CTNNA1: variants seen among roughly 807,000 people sequenced by gnomAD.
CTNNA1 encodes catenin alpha 1, also known as catenin alpha-1.
In CTNNA1, 37 loss-of-function variants were observed where a neutral mutation model predicts 98.4. That is an observed-to-expected ratio of 0.38 (90% confidence interval 0.29 to 0.49). The LOEUF (loss-of-function observed/expected upper bound fraction) is 0.49. CTNNA1 is among the 20% of genes least tolerant of loss of function. The pLI is 0.95. For synonymous variants in CTNNA1, 404 were observed against 413.2 expected, an observed-to-expected ratio of 0.98 and a Z score of 0.27; for missense variants, 761 against 1,147.2, an observed-to-expected ratio of 0.66 and a Z score of 4.86.
At position 138,925,299 on chromosome 5, in the gene CTNNA1, C is replaced by CTG; in HGVS notation, c.1791_1792insTG (p.Leu598CysfsTer34). 1 of 1,614,098 alleles carries CTG rather than the reference C, an allele frequency of 6.2e-7. No homozygotes were observed. The highest frequency in any genetic ancestry group is 8.5e-7 in the Non-Finnish European group (1 of 1,180,016). ...AGCAAGTAGAAGCAGCCGTGGAAGC[C>CTG]CTCAGCTCGGACCCTGCCCAGCCCA... On this transcript the variant is annotated frameshift_variant, in exon 13 of 18. Transcript: ENST00000302763. LOFTEE classifies it high-confidence loss of function.
intron 1 of CTNNA1, among the ~76,000 whole-genome samples, chr5:138,781,527 C>T (rs1755107789): frequency 6.7e-6 from 1 of 149,552 alleles, no homozygotes; most frequent in Non-Finnish European, 1.5e-5. Flanking sequence ...TGCCCTCCAG[C>T]CTGGGCGAAA....
At chr5:138,848,761 G>T (rs1762940803) in intron 7 of CTNNA1, among the ~76,000 whole-genome samples, 1 of 151,970 alleles carries the variant, frequency 6.6e-6, no homozygotes, top group African/African-American at 2.4e-5. Context: ...GTCTCTCTCT[G>T]TCGCCCAGGC....
intron 7 of CTNNA1, chr5:138,868,911 AAAG>A (rs1259403203): frequency 1.3e-5 from 2 of 152,144 alleles, no homozygotes; most frequent in African/African-American, 4.8e-5. Context: ...GGAAAAGTAA[AAAG>A]AAGGCATTCA....
At chr5:138,767,424 G>C (rs1753058560) in intron 1 of CTNNA1, among the ~76,000 whole-genome samples, 1 of 152,124 alleles carries the variant, frequency 6.6e-6, no homozygotes, top group Non-Finnish European at 1.5e-5. Flanking sequence ...GGAAGGTGCT[G>C]GTGTTCTTTG....
chr5:138,839,490 C>T (rs1357183546), intron 7 of CTNNA1, among the ~76,000 whole-genome samples: 3 of 152,134 alleles, frequency 2.0e-5, no homozygotes, highest in East Asian at 3.8e-4. Flanking sequence ...CATGAGCCAC[C>T]GTGCCTGGCC....
At chr5:138,779,173 C>T (rs1238297003) in intron 1 of CTNNA1, among the ~76,000 whole-genome samples, 2 of 151,640 alleles carry the variant, frequency 1.3e-5, no homozygotes, top group Non-Finnish European at 2.9e-5. Flanking sequence ...ACCACCATGC[C>T]TGGCCAGTTT....
intron 9 of CTNNA1, among the ~76,000 whole-genome samples, chr5:138,892,557 C>T (rs1755694192): frequency 6.6e-6 from 1 of 151,198 alleles, no homozygotes; most frequent in African/African-American, 2.4e-5. Flanking sequence ...AGGCTAGTCT[C>T]GAACTCCCAA....
intron 6 of CTNNA1, 67 bp from the exon 7 acceptor site, chr5:138,827,448 T>C: frequency 6.4e-7 from 1 of 1,555,328 alleles, no homozygotes; most frequent in Non-Finnish European, 8.8e-7. Context: ...CTAATAACAC[T>C]TTTCTCACCT....
At position 138,934,591 on chromosome 5, in the gene CTNNA1, A is replaced by T. The variant is rs1766139906; in HGVS notation, c.*502A>T. 6.8e-6 allele frequency: 1 copy of T among 147,060 alleles called. No individual in the cohort carries two copies. The highest frequency in any genetic ancestry group is 2.1e-4 in the South Asian group (1 of 4,660). 9.1% of individuals were successfully genotyped at this position (147,060 alleles called of 1,614,324 possible). A position where few individuals can be genotyped will look rare whatever the true frequency, so the allele number is the denominator to read the frequency against. On this transcript the variant is annotated 3_prime_UTR_variant, in exon 18 of 18. Coordinates refer to ENST00000302763, the MANE Select transcript of CTNNA1 (RefSeq NM_001903.5). ...CTCTGGAGGGACAAACTCACTCAGT[A>T]AAACATAATGTATCATGAAGAAAAC...
chr5:138,833,091 C>T (rs1761435304), intron 7 of CTNNA1, among the ~76,000 whole-genome samples: 1 of 152,130 alleles, frequency 6.6e-6, no homozygotes, highest in Non-Finnish European at 1.5e-5. Flanking sequence ...ACCCTGACTC[C>T]TCAATGAACA....
At chr5:138,776,469 C>T (rs977469619) in intron 1 of CTNNA1, among the ~76,000 whole-genome samples, 34 of 152,222 alleles carry the variant, frequency 2.2e-4, no homozygotes, top group African/African-American at 8.0e-4. Context: ...GGCAACCATC[C>T]GATTTATCAA....
chr5:138,871,351 A>G (rs1257529465), intron 7 of CTNNA1: 2 of 152,202 alleles, frequency 1.3e-5, no homozygotes, highest in African/African-American at 2.4e-5. Context: ...AGTTTTTTCA[A>G]TATGTGGAAC....
At chr5:138,929,003 C>G (rs112802527) in intron 13 of CTNNA1, among the ~76,000 whole-genome samples, 95 of 152,236 alleles carry the variant, frequency 6.2e-4, no homozygotes, top group Admixed American at 1.1e-3. Flanking sequence ...AGCAATTGAG[C>G]CCCACACACA....
At chr5:138,932,405 C>G in intron 16 of CTNNA1, 173 bp from the exon 17 acceptor site, 1 of 1,428,874 alleles carries the variant, frequency 7.0e-7, no homozygotes, top group Non-Finnish European at 9.1e-7. Flanking sequence ...GCCTCCATCC[C>G]CAAGCAGAGT....
intron 6 of CTNNA1, among the ~76,000 whole-genome samples, chr5:138,825,104 C>G (rs4529186): frequency 3.9e-5 from 6 of 152,082 alleles, no homozygotes; most frequent in South Asian, 4.2e-4. Context: ...TTTTGACCTT[C>G]TGGCAGATGT....
At chr5:138,884,732 C>G (rs559604181) in intron 7 of CTNNA1, among the ~76,000 whole-genome samples, 5 of 152,256 alleles carry the variant, frequency 3.3e-5, no homozygotes, top group African/African-American at 1.2e-4. Context: ...ATCCAACTCC[C>G]TCCTTCCCAT....
chr5:138,850,441 G>T (rs760421152), intron 7 of CTNNA1, among the ~76,000 whole-genome samples: 12 of 152,112 alleles, frequency 7.9e-5, no homozygotes, highest in Non-Finnish European at 1.5e-4. Context: ...TAGGTGCTCT[G>T]TTATTGACTG....
intron 3 of CTNNA1, among the ~76,000 whole-genome samples, chr5:138,800,643 G>A (rs932354243): frequency 6.6e-6 from 1 of 151,906 alleles, no homozygotes; most frequent in Non-Finnish European, 1.5e-5. Context: ...GAAAAAAAAA[G>A]AATAGAAAAA....
At chr5:138,837,516 C>T (rs1214338725) in intron 7 of CTNNA1, among the ~76,000 whole-genome samples, 6 of 111,646 alleles carry the variant, frequency 5.4e-5, no homozygotes, top group Admixed American at 9.4e-5. Context: ...CCCCTCCTCC[C>T]TCCCCTCCCT....
Sources: allele counts gnomAD v4.1 joint callset (sites outside exome capture counted in the v4.1 genomes callset), GRCh38; gene constraint gnomAD v4.1.1; transcripts MANE v1.5; gene names NCBI Gene and HGNC (gene_info 2026-07-23, HGNC 2026-07-21).